GRIN3A: variants seen among roughly 807,000 people sequenced by gnomAD.
The protein encoded by GRIN3A is glutamate receptor ionotropic, NMDA 3A.
In GRIN3A, 47 loss-of-function variants were observed where a neutral mutation model predicts 92.4. The ratio of observed to expected loss-of-function variants is 0.51; its 90% CI spans 0.40 to 0.65. The LOEUF is 0.65. Among genes scored for constraint, GRIN3A ranks in the 30% least tolerant of loss-of-function variants. The probability of loss-of-function intolerance (pLI) is 0.00; values close to 1 mark genes in which losing one functional copy is unlikely to be tolerated. For synonymous variants in GRIN3A, 527 were observed against 540.6 expected, an observed-to-expected ratio of 0.97 and a Z score of 0.35; for missense variants, 1,324 against 1,393.1, an observed-to-expected ratio of 0.95 and a Z score of 0.79.
intron 5 of GRIN3A, among the ~76,000 whole-genome samples, chr9:101,614,583 ACATATATATG>A (rs1404822262): frequency 6.0e-5 from 9 of 150,882 alleles, no homozygotes; most frequent in Non-Finnish European, 1.2e-4. Flanking sequence ...TTTTAGGAAT[ACATATATATG>A]CATATATATG....
intron 5 of GRIN3A, among the ~76,000 whole-genome samples, chr9:101,614,320 G>C (rs1232793555): frequency 1.3e-5 from 2 of 152,116 alleles, no homozygotes; most frequent in Non-Finnish European, 2.9e-5. Context: ...AATGTTCTTA[G>C]AGGAACTGTT....
In GRIN3A at chr9:101,686,807, G is replaced by A. The variant is rs969505460; in HGVS notation, c.1093C>T (p.Leu365=). ...CCTAAGGGCAGACCCTCTGTCCTCA[G>A]TTCCTCCACATTCTGGGAATCTCCC... ...VLGDSQNVEE[L]RTEGLPLGLI... The change falls in exon 2 of 9, where the codon CTG becomes TTG. Residue 365 remains leucine (L), a synonymous_variant. Transcript: ENST00000361820. 6.2e-7 allele frequency: 1 copy of A among 1,614,170 alleles called. No homozygotes were observed. Among genetic ancestry groups the A allele is most frequent in the South Asian group, 1.1e-5 (1 of 91,082 alleles).
chr9:101,683,615 C>T (rs772408815), intron 2 of GRIN3A, among the ~76,000 whole-genome samples: 1 of 152,118 alleles, frequency 6.6e-6, no homozygotes, highest in Non-Finnish European at 1.5e-5. Context: ...TTTCCTGTAT[C>T]CCTCAGGAGT....
At chr9:101,661,843 C>T (rs1829175924) in intron 3 of GRIN3A, among the ~76,000 whole-genome samples, 1 of 151,830 alleles carries the variant, frequency 6.6e-6, no homozygotes, top group Non-Finnish European at 1.5e-5. Flanking sequence ...TGCTGGTGCT[C>T]ATCTTAATGT....
chr9:101,600,761 G>A (rs1049932257), intron 6 of GRIN3A: 1 of 152,222 alleles, frequency 6.6e-6, no homozygotes, highest in African/African-American at 2.4e-5. Flanking sequence ...CCGGAGTAGG[G>A]AGGTCAAGGG....
rs143460130 is a variant in GRIN3A, at chr9:101,572,961, T to C, written c.*213A>G. The C allele has an allele frequency of 4.9e-3, 2,823 of 576,004 alleles. 71 individuals carry two copies. Among genetic ancestry groups the C allele is most frequent in the African/African-American group, 0.046 (2,442 of 53,478 alleles). The allele number at this position is 576,004 out of a possible 1,614,324, so 35.7% of individuals were successfully genotyped here. A position where few individuals can be genotyped will look rare whatever the true frequency, so the allele number is the denominator to read the frequency against. ...AGAGCTTACTCCTGACTAAGATTCT[T>C]GCTAGAAAAACACTCCTACCCTGGA... On this transcript the variant is annotated 3_prime_UTR_variant, in exon 9 of 9. Transcript: ENST00000361820.
chr9:101,598,627 C>T (rs545530739), intron 6 of GRIN3A, among the ~76,000 whole-genome samples: 1 of 152,154 alleles, frequency 6.6e-6, no homozygotes, highest in South Asian at 2.1e-4. Context: ...AATATAATGT[C>T]ATTATCATCA....
intron 2 of GRIN3A, among the ~76,000 whole-genome samples, chr9:101,678,642 G>T (rs1445155695): frequency 6.6e-6 from 1 of 152,082 alleles, no homozygotes; most frequent in Non-Finnish European, 1.5e-5. Context: ...AGGGTGGAAG[G>T]AGAGCTCCTA....
At chr9:101,647,648 T>C (rs565941357) in intron 3 of GRIN3A, among the ~76,000 whole-genome samples, 158 of 152,104 alleles carry the variant, frequency 1.0e-3, no homozygotes, top group Middle Eastern at 0.01. Flanking sequence ...ATGGGAGACT[T>C]TTTGTTACTG....
intron 3 of GRIN3A, among the ~76,000 whole-genome samples, chr9:101,663,442 A>G (rs1346069094): frequency 6.6e-6 from 1 of 151,828 alleles, no homozygotes; most frequent in Non-Finnish European, 1.5e-5. Context: ...CTGTTATTGA[A>G]TGAATTAAGA....
intron 6 of GRIN3A, among the ~76,000 whole-genome samples, chr9:101,612,563 A>G (rs1291580080): frequency 6.6e-6 from 1 of 152,138 alleles, no homozygotes; most frequent in African/African-American, 2.4e-5. Context: ...AATAGAGACT[A>G]CTTGAAACCA....
chr9:101,617,434 G>A (rs564593563), intron 5 of GRIN3A, among the ~76,000 whole-genome samples: 34 of 151,970 alleles, frequency 2.2e-4, no homozygotes, highest in African/African-American at 7.2e-4. Flanking sequence ...ATTCCCTAAT[G>A]AAAAAGCTAT....
chr9:101,658,712 C>T (rs903623261), intron 3 of GRIN3A, among the ~76,000 whole-genome samples: 4 of 150,712 alleles, frequency 2.7e-5, no homozygotes, highest in Non-Finnish European at 4.4e-5. Flanking sequence ...CTATGAATAA[C>T]ATCATATATT....
chr9:101,671,206 T>A, intron 2 of GRIN3A, 99 bp from the exon 3 acceptor site: 3 of 868,612 alleles, frequency 3.5e-6, no homozygotes, highest in Non-Finnish European at 5.8e-6. Flanking sequence ...AAAAATAAAT[T>A]CGAATTTTTA....
chr9:101,718,436 A>G (rs887218174), intron 1 of GRIN3A, among the ~76,000 whole-genome samples: 9 of 152,242 alleles, frequency 5.9e-5, no homozygotes, highest in Non-Finnish European at 1.3e-4. Context: ...TGCTTGGAAT[A>G]GTATTCCACA....
At chr9:101,716,367 A>G (rs1292878941) in intron 1 of GRIN3A, among the ~76,000 whole-genome samples, 1 of 152,206 alleles carries the variant, frequency 6.6e-6, no homozygotes, top group Non-Finnish European at 1.5e-5. Context: ...TACATATTAC[A>G]TGTCAGCTGC....
chr9:101,594,457 A>T, intron 6 of GRIN3A: 1 of 1,614,022 alleles, frequency 6.2e-7, no homozygotes. Flanking sequence ...CTCTGACCAC[A>T]GCACTGAATT....
intron 1 of GRIN3A, among the ~76,000 whole-genome samples, chr9:101,724,075 T>A (rs886517700): frequency 6.6e-6 from 1 of 152,204 alleles, no homozygotes; most frequent in Admixed American, 6.5e-5. Context: ...GCACCGGGGC[T>A]GCAGGTGGAG....
chr9:101,730,198 C>A (rs1000457444), intron 1 of GRIN3A, among the ~76,000 whole-genome samples: 15 of 152,104 alleles, frequency 9.9e-5, no homozygotes, highest in African/African-American at 2.4e-4. Flanking sequence ...ATTGCGGGTA[C>A]ACTTCAGTGA....
Sources: allele counts gnomAD v4.1 joint callset (sites outside exome capture counted in the v4.1 genomes callset), GRCh38; gene constraint gnomAD v4.1.1; transcripts MANE v1.5; gene names NCBI Gene and HGNC (gene_info 2026-07-23, HGNC 2026-07-21).